ACYP2: variants seen among roughly 807,000 people sequenced by gnomAD.
ACYP2 encodes the protein acylphosphatase 2.
A neutral mutation model predicts 11.2 loss-of-function variants in ACYP2; 12 were observed. The ratio of observed to expected loss-of-function variants is 1.08; its 90% confidence interval spans 0.69 to 1.74. The LOEUF is 1.74. ACYP2 is among the 40% of genes most tolerant of loss of function. The pLI, the probability that ACYP2 is intolerant of heterozygous loss-of-function variation, is 0.00. For missense variants in ACYP2, 134 were observed against 101.9 expected (o/e 1.31, Z -1.35); for synonymous variants, 43 against 32.2 (o/e 1.33, Z -1.13).
chr2:54,278,414 A>G (rs1688706550), intron 6 of ACYP2, among the ~76,000 whole-genome samples: 1 of 152,232 alleles, frequency 6.6e-6, no homozygotes, highest in African/African-American at 2.4e-5. Flanking sequence ...GCAAGAATAA[A>G]TTGGTGGTTG....
At chr2:54,005,423 T>C (rs1438804361) in intron 2 of ACYP2, among the ~76,000 whole-genome samples, 3 of 152,052 alleles carry the variant, frequency 2.0e-5, no homozygotes, top group African/African-American at 7.2e-5. Context: ...CACTGCCACT[T>C]CCACCTGCCA....
At chr2:54,113,279 A>G (rs1679554334) in intron 4 of ACYP2, among the ~76,000 whole-genome samples, 1 of 148,772 alleles carries the variant, frequency 6.7e-6, no homozygotes, top group African/African-American at 2.5e-5. Context: ...TCGCTCTGTC[A>G]CCCAGGCTGG....
chr2:54,067,550 C>G (rs1676809691), intron 4 of ACYP2, among the ~76,000 whole-genome samples: 1 of 152,164 alleles, frequency 6.6e-6, no homozygotes. Flanking sequence ...ACAGTGCCTA[C>G]TTAACATGAA....
At chr2:54,242,746 C>T (rs1686785001) in intron 6 of ACYP2, among the ~76,000 whole-genome samples, 1 of 152,166 alleles carries the variant, frequency 6.6e-6, no homozygotes, top group Non-Finnish European at 1.5e-5. Flanking sequence ...AGGCGACAGC[C>T]TAGGTTTGTA....
chr2:54,023,251 C>T (rs756276929), intron 2 of ACYP2, among the ~76,000 whole-genome samples: 1 of 151,838 alleles, frequency 6.6e-6, no homozygotes, highest in African/African-American at 2.4e-5. Flanking sequence ...TTTTATTATT[C>T]TTGAATAATC....
At chr2:54,169,046 A>G (rs1261596620) in intron 6 of ACYP2, among the ~76,000 whole-genome samples, 3 of 152,248 alleles carry the variant, frequency 2.0e-5, no homozygotes, top group Non-Finnish European at 2.9e-5. Flanking sequence ...GGAGTGTTAC[A>G]GAAGAATTTT....
chr2:53,996,152 A>C (rs1192258928), intron 2 of ACYP2, among the ~76,000 whole-genome samples: 1 of 152,150 alleles, frequency 6.6e-6, no homozygotes, highest in Non-Finnish European at 1.5e-5. Flanking sequence ...CAAAAAAAAA[A>C]AGACTCACAA....
chr2:54,099,375 T>C (rs570385112), intron 4 of ACYP2, among the ~76,000 whole-genome samples: 2 of 152,204 alleles, frequency 1.3e-5, no homozygotes, highest in Non-Finnish European at 2.9e-5. Context: ...CGTAGATCTT[T>C]TGAACTCATT....
chr2:54,115,782 A>G (rs767680178), intron 4 of ACYP2, 26 bp downstream of exon 1: 3 of 1,582,096 alleles, frequency 1.9e-6, no homozygotes, highest in South Asian at 1.1e-5. Flanking sequence ...ACGGTGGGAG[A>G]TCAAAAAGGT....
chr2:54,001,916 CCT>C (rs1672822893), intron 2 of ACYP2, among the ~76,000 whole-genome samples: 2 of 152,118 alleles, frequency 1.3e-5, no homozygotes, highest in African/African-American at 4.8e-5. Context: ...CCATATTTCC[CCT>C]GTCCCCACAC....
chr2:54,222,738 T>G (rs1685851994), intron 6 of ACYP2, among the ~76,000 whole-genome samples: 1 of 152,056 alleles, frequency 6.6e-6, no homozygotes, highest in African/African-American at 2.4e-5. Context: ...TCCGTACAAT[T>G]TCTACTAATT....
intron 6 of ACYP2, among the ~76,000 whole-genome samples, chr2:54,228,487 T>C (rs1686099695): frequency 6.6e-6 from 1 of 152,188 alleles, no homozygotes; most frequent in African/African-American, 2.4e-5. Context: ...CGATCTGTGC[T>C]AGCTTTCAGA....
At chr2:54,253,305 A>G (rs1389928977) in intron 6 of ACYP2, 1 of 152,268 alleles carries the variant, frequency 6.6e-6, no homozygotes, top group Non-Finnish European at 1.5e-5. Context: ...GAACAGGCTG[A>G]AAACTGCCAT....
chr2:54,139,339 G>T (rs1346660155), intron 6 of ACYP2, among the ~76,000 whole-genome samples: 2 of 152,148 alleles, frequency 1.3e-5, no homozygotes, highest in Non-Finnish European at 2.9e-5. Context: ...TTATCTAATT[G>T]TAATTTTATT....
At chr2:54,097,736 C>T (rs968428972) in intron 4 of ACYP2, among the ~76,000 whole-genome samples, 1 of 151,656 alleles carries the variant, frequency 6.6e-6, no homozygotes. Flanking sequence ...AAATCTGAGA[C>T]GTCATGTTAT....
At chr2:54,152,700 C>T (rs1682236052) in intron 6 of ACYP2, among the ~76,000 whole-genome samples, 1 of 152,064 alleles carries the variant, frequency 6.6e-6, no homozygotes, top group Non-Finnish European at 1.5e-5. Flanking sequence ...TTTAAGGTTC[C>T]TTCATGTATT....
At chr2:53,998,227 A>G (rs540710188) in intron 2 of ACYP2, among the ~76,000 whole-genome samples, 69 of 152,352 alleles carry the variant, frequency 4.5e-4, no homozygotes, top group African/African-American at 1.6e-3. Flanking sequence ...GAATGAAGAA[A>G]GCAGAAGCCC....
chr2:54,113,202 A>C (rs537912481), intron 4 of ACYP2, among the ~76,000 whole-genome samples: 66 of 152,136 alleles, frequency 4.3e-4, no homozygotes, highest in African/African-American at 1.5e-3. Context: ...GGGAATGATG[A>C]CAAGAAACAA....
At chr2:54,130,549 G>C (rs943757713) in intron 4 of ACYP2, among the ~76,000 whole-genome samples, 14 of 152,154 alleles carry the variant, frequency 9.2e-5, no homozygotes, top group African/African-American at 2.4e-4. Flanking sequence ...ACACTGTAAG[G>C]GGGGCAGAAT....
Sources: allele counts gnomAD v4.1 joint callset (sites outside exome capture counted in the v4.1 genomes callset), GRCh38; gene constraint gnomAD v4.1.1; transcripts MANE v1.5; gene names NCBI Gene and HGNC (gene_info 2026-07-23, HGNC 2026-07-21).